The following TENM2 variants were observed in gnomAD, a reference collection of about 807,000 sequenced individuals.
TENM2 encodes teneurin-2.
Under a neutral mutation model 245.2 loss-of-function variants are expected in TENM2, and 52 were observed. The observed-to-expected ratio is 0.21, with a 90% CI of 0.17 to 0.27. The LOEUF (loss-of-function observed/expected upper bound fraction) is 0.27, where lower values mean the gene tolerates loss of function less well. TENM2 is among the 10% of genes least tolerant of loss of function. TENM2 has a pLI of 1.00. For missense variants in TENM2, 3,046 were observed against 3,666.8 expected (o/e 0.83, Z 4.37); for synonymous variants, 1,363 against 1,438.9 (o/e 0.95, Z 1.19).
At chr5:167,253,909 A>G in the TENM2 span, among the ~76,000 whole-genome samples, 3 of 152,092 alleles carry the variant, frequency 2.0e-5, no homozygotes, top group Non-Finnish European at 2.9e-5. Flanking sequence ...CAACTATGAC[A>G]TCCATTTTCT....
the TENM2 span, among the ~76,000 whole-genome samples, chr5:167,045,557 T>C: frequency 6.6e-6 from 1 of 152,200 alleles, no homozygotes; most frequent in Non-Finnish European, 1.5e-5. Context: ...CAGCTAGTCC[T>C]GTGATGGCTA....
chr5:168,103,719 AGT>A (rs1464401291), intron 9 of TENM2, among the ~76,000 whole-genome samples: 2 of 152,078 alleles, frequency 1.3e-5, no homozygotes, highest in Non-Finnish European at 2.9e-5. Flanking sequence ...TGTGTGTGTG[AGT>A]GTGTGTGCCT....
chr5:167,421,205 T>A (rs73801213), intron 2 of TENM2, among the ~76,000 whole-genome samples: 27 of 152,326 alleles, frequency 1.8e-4, no homozygotes, highest in Middle Eastern at 3.4e-3. Context: ...AAAGAAATAT[T>A]AGTCTGACTT....
intron 2 of TENM2, among the ~76,000 whole-genome samples, chr5:167,873,812 A>G (rs879903668): frequency 2.6e-5 from 4 of 152,340 alleles, no homozygotes; most frequent in Admixed American, 1.3e-4. Flanking sequence ...CATGCCTTAT[A>G]TGAATCCCAA....
At chr5:167,576,360 A>G (rs1363180258) in intron 2 of TENM2, among the ~76,000 whole-genome samples, 1 of 151,944 alleles carries the variant, frequency 6.6e-6, no homozygotes, top group African/African-American at 2.4e-5. Context: ...GAAAAAAAGA[A>G]ATGCAGTAGA....
At chr5:167,156,835 C>T in the TENM2 span, among the ~76,000 whole-genome samples, 1 of 152,174 alleles carries the variant, frequency 6.6e-6, no homozygotes, top group Non-Finnish European at 1.5e-5. Flanking sequence ...GTCCAAGTGG[C>T]TCGTCTTGGC....
chr5:167,659,799 C>A (rs1288465149), intron 2 of TENM2, among the ~76,000 whole-genome samples: 1 of 152,102 alleles, frequency 6.6e-6, no homozygotes, highest in Admixed American at 6.5e-5. Flanking sequence ...GGTTCCTCTA[C>A]TCATACAAAA....
chr5:167,077,882 A>G, the TENM2 span, among the ~76,000 whole-genome samples: 5,264 of 152,264 alleles, frequency 0.035, 313 homozygotes, highest in African/African-American at 0.12. Context: ...TAAAAAAGGC[A>G]AAGTAGTCCA....
chr5:168,226,589 C>T (rs1764211627), intron 24 of TENM2, among the ~76,000 whole-genome samples: 1 of 152,152 alleles, frequency 6.6e-6, no homozygotes, highest in South Asian at 2.1e-4. Context: ...CCACCTCTCC[C>T]CACCAACCCA....
chr5:167,318,232 A>G (rs1049158897), intron 1 of TENM2, among the ~76,000 whole-genome samples: 2 of 152,170 alleles, frequency 1.3e-5, no homozygotes, highest in African/African-American at 2.4e-5. Flanking sequence ...TGCAGTGACA[A>G]TCGTGTTGGT....
exon 29 of TENM2, chr5:168,262,282 G>A: frequency 6.2e-7 from 1 of 1,608,926 alleles, no homozygotes; most frequent in South Asian, 1.1e-5. Flanking sequence ...TGGCATCTGT[G>A]CTGAACAACG....
the TENM2 span, among the ~76,000 whole-genome samples, chr5:167,042,288 C>T: frequency 6.6e-6 from 1 of 152,124 alleles, no homozygotes; most frequent in African/African-American, 2.4e-5. Context: ...GTTATTTAAG[C>T]AAGTTTTCTT....
Position 168,218,121 on chromosome 5 carries a change from A to G in TENM2, c.4234-4A>G. 1 of 1,609,774 alleles carries G rather than the reference A, an allele frequency of 6.2e-7. No homozygotes were observed. The highest frequency in any genetic ancestry group is 8.5e-7 in the Non-Finnish European group (1 of 1,176,582). ...TCTTTAATCTGATACCACGTCATCC[A>G]CAGGTTCGTCTGGAGTGGCCAACAG... On this transcript the variant is annotated splice_polypyrimidine_tract_variant and splice_region_variant and intron_variant, in intron 22 of 28. Transcript: ENST00000518659. The surrounding 1 kb of genome is among the most constrained non-coding windows in gnomAD (Gnocchi z 5.2).
chr5:168,260,671 C>T lies in TENM2; in HGVS notation c.7563+258C>T, dbSNP rs76288364. 9.2e-3 allele frequency among the ~76,000 whole-genome samples: 1,406 copies of T among 152,280 alleles called. 23 individuals are homozygous for T. Among genetic ancestry groups the T allele is most frequent in the African/African-American group, 0.032 (1,343 of 41,566 alleles). Reference sequence around the variant, plus strand: ...TGTTCAGTAGAATACCTTTGAGTCACTCCTTGATTAACAACAGCACAGAGA... The same window carrying T: ...TGTTCAGTAGAATACCTTTGAGTCATTCCTTGATTAACAACAGCACAGAGA... On this transcript the variant is annotated intron_variant, in intron 28 of 28. Transcript: ENST00000518659.
chr5:167,954,353 G>A (rs1780368378), intron 4 of TENM2, among the ~76,000 whole-genome samples: 1 of 152,148 alleles, frequency 6.6e-6, no homozygotes, highest in Non-Finnish European at 1.5e-5. Context: ...GGTATTTAAT[G>A]ATATTAAGAA....
At position 167,470,454 on chromosome 5, in the gene TENM2, C is replaced by CTTTTTTTTTTTT. The variant is rs749016436; in HGVS notation, c.502+94992_502+95003dup. 9.1e-4 allele frequency among the ~76,000 whole-genome samples: 43 copies of CTTTTTTTTTTTT among 47,394 alleles called. 5 individuals are homozygous for CTTTTTTTTTTTT. The highest frequency in any genetic ancestry group is 1.9e-3 in the African/African-American group (23 of 11,840). The allele number at this position is 47,394 out of a possible 152,430, so 31.1% of individuals were successfully genotyped here. Reference sequence around the variant, plus strand: ...TACAGAGAGGTATGGGCAATGCTTGCTTTTTTTTTTTTTTTTTTTTTTGCT... The same window carrying CTTTTTTTTTTTT: ...TACAGAGAGGTATGGGCAATGCTTGCTTTTTTTTTTTTTTTTTTTTTTTTTTTTTTTTTTGCT... On this transcript the variant is annotated intron_variant, in intron 2 of 28. Transcript: ENST00000518659.
chr5:167,931,864 C>A (rs764931973), intron 3 of TENM2, among the ~76,000 whole-genome samples: 3 of 152,152 alleles, frequency 2.0e-5, no homozygotes, highest in Non-Finnish European at 2.9e-5. Context: ...CTACTTCTGC[C>A]GTTGCAGAGA....
At chr5:168,012,505 A>G (rs1049796232) in intron 5 of TENM2, among the ~76,000 whole-genome samples, 1 of 151,822 alleles carries the variant, frequency 6.6e-6, no homozygotes, top group African/African-American at 2.4e-5. Context: ...TTAATTAGCC[A>G]GGTGTGGTGG....
intron 13 of TENM2, among the ~76,000 whole-genome samples, chr5:168,167,501 T>A (rs1441390211): frequency 1.3e-5 from 2 of 152,120 alleles, no homozygotes; most frequent in African/African-American, 2.4e-5. Flanking sequence ...TGGGCAGCGG[T>A]GACAGTGGAG....
Sources: allele counts gnomAD v4.1 joint callset (sites outside exome capture counted in the v4.1 genomes callset), GRCh38; gene constraint gnomAD v4.1.1; non-coding constraint Gnocchi (gnomAD v3.1); transcripts MANE v1.5; gene names NCBI Gene and HGNC (gene_info 2026-07-23, HGNC 2026-07-21).